DYNC1I2: variants seen among roughly 807,000 people sequenced by gnomAD.
DYNC1I2 encodes the protein cytoplasmic dynein 1 intermediate chain 2.
Under a neutral mutation model 88.6 loss-of-function variants are expected in DYNC1I2, and 53 were observed. The observed-to-expected ratio is 0.60, with a 90% CI of 0.48 to 0.75. The LOEUF (loss-of-function observed/expected upper bound fraction) is 0.75. Ranked by LOEUF, DYNC1I2 falls within the 30% of genes least tolerant of loss-of-function variation. DYNC1I2 has a pLI of 0.00. For missense variants in DYNC1I2, 458 were observed against 766.6 expected (o/e 0.60, Z 4.75); for synonymous variants, 198 against 254.6 (o/e 0.78, Z 2.12).
intron 3 of DYNC1I2, among the ~76,000 whole-genome samples, chr2:171,701,436 C>T (rs922240727): frequency 6.6e-6 from 1 of 152,172 alleles, no homozygotes; most frequent in Non-Finnish European, 1.5e-5. Context: ...TCCCAAAGTG[C>T]TGGGATTATA....
intron 3 of DYNC1I2, among the ~76,000 whole-genome samples, chr2:171,704,801 T>G (rs1163649167): frequency 6.6e-6 from 1 of 152,176 alleles, no homozygotes; most frequent in African/African-American, 2.4e-5. Flanking sequence ...AATTCTAGTA[T>G]TCTTTGATTT....
intron 7 of DYNC1I2, among the ~76,000 whole-genome samples, chr2:171,716,662 T>C (rs1687516840): frequency 6.6e-6 from 1 of 152,228 alleles, no homozygotes; most frequent in South Asian, 2.1e-4. Context: ...TACTAGCACT[T>C]TGGGAGACCA....
chr2:171,733,726 C>T, intron 15 of DYNC1I2, among the ~76,000 whole-genome samples: 1 of 150,482 alleles, frequency 6.6e-6, no homozygotes, highest in Non-Finnish European at 1.5e-5. Context: ...TGTAAGTTGT[C>T]TGTTTACTCA....
At chr2:171,726,467 A>G in intron 10 of DYNC1I2, 174 bp downstream of exon 10, 1 of 575,322 alleles carries the variant, frequency 1.7e-6, no homozygotes, top group Non-Finnish European at 2.9e-6. Context: ...AAGAAAGATT[A>G]GAAGCATTAT....
Position 171,748,630 on chromosome 2 carries a change from G to C in DYNC1I2, c.*741G>C, listed in dbSNP as rs1310102690. ...TCTGTTGGTGAAAAAATTTCCCCTAGGTTAACTTTTGCTTTACTACTTTAT... is the reference window on the plus strand; with the variant it reads ...TCTGTTGGTGAAAAAATTTCCCCTACGTTAACTTTTGCTTTACTACTTTAT... On this transcript the variant is annotated 3_prime_UTR_variant, in exon 18 of 18. Coordinates refer to ENST00000397119, the MANE Select transcript of DYNC1I2 (RefSeq NM_001378.3). Among the ~76,000 whole-genome samples the C allele has an allele frequency of 1.3e-5, 2 of 152,056 alleles. No homozygotes were observed. Among genetic ancestry groups the C allele is most frequent in the African/African-American group, 2.4e-5 (1 of 41,406 alleles).
chr2:171,718,105 C>T (rs567559579), intron 7 of DYNC1I2, among the ~76,000 whole-genome samples: 8 of 151,868 alleles, frequency 5.3e-5, no homozygotes, highest in East Asian at 3.9e-4. Flanking sequence ...TACAGGCGTG[C>T]GCCACCACTG....
At chr2:171,694,484 C>A (rs1383392109) in intron 3 of DYNC1I2, among the ~76,000 whole-genome samples, 1 of 151,770 alleles carries the variant, frequency 6.6e-6, no homozygotes, top group Non-Finnish European at 1.5e-5. Flanking sequence ...ACGGAGAAAC[C>A]CCGTCTCTAC....
rs369406544 is a variant in DYNC1I2 at position 171,743,997 on chromosome 2, T to C, written c.1537-52T>C. Reference sequence around the variant, plus strand: ...TTTTTCCCAGTGATAAGTAGTTTAATGATTTGTATGTCATATATGGACTGT... The same window carrying C: ...TTTTTCCCAGTGATAAGTAGTTTAACGATTTGTATGTCATATATGGACTGT... On this transcript the variant is annotated intron_variant, in intron 15 of 17. Transcript: ENST00000397119. The C allele has an allele frequency of 3.8e-5, 56 of 1,459,340 alleles. No homozygotes were observed. In the South Asian group the frequency reaches 8.2e-4, roughly 21 times the overall value. 90.4% of individuals were successfully genotyped at this position (1,459,340 alleles called of 1,614,324 possible).
At chr2:171,725,586 G>GTT in intron 7 of DYNC1I2, 32 bp from the exon 8 acceptor site, 2 of 1,244,322 alleles carry the variant, frequency 1.6e-6, no homozygotes, top group South Asian at 1.6e-5. Context: ...CTGTTTTTTT[G>GTT]TTTTTTTGTT....
chr2:171,737,235 TTC>T (rs1262717541), intron 15 of DYNC1I2, among the ~76,000 whole-genome samples: 2 of 152,206 alleles, frequency 1.3e-5, no homozygotes, highest in Non-Finnish European at 2.9e-5. Context: ...GTCCGAATTT[TTC>T]TCTTTTTTTA....
Position 171,748,588 on chromosome 2 carries a change from A to G in DYNC1I2, c.*699A>G, listed in dbSNP as rs1454828792. ...ACTATAGATCTCCCAGTGCATTATG[A>G]ATTGATGTCTAGATAATCTGTTGGT... On this transcript the variant is annotated 3_prime_UTR_variant, in exon 18 of 18. Transcript: ENST00000397119. Among the ~76,000 whole-genome samples, 2 of 152,210 alleles carry G rather than the reference A, an allele frequency of 1.3e-5. No homozygotes were observed. The highest frequency in any genetic ancestry group is 4.8e-5 in the African/African-American group (2 of 41,460).
At chr2:171,732,102 G>A (rs772730171) in intron 15 of DYNC1I2, among the ~76,000 whole-genome samples, 3 of 152,164 alleles carry the variant, frequency 2.0e-5, no homozygotes, top group Non-Finnish European at 2.9e-5. Flanking sequence ...GGTGGCTTAC[G>A]CCTGTAATCT....
chr2:171,747,173 AAC>A (rs1481536840), intron 17 of DYNC1I2, among the ~76,000 whole-genome samples: 2 of 146,836 alleles, frequency 1.4e-5, no homozygotes, highest in African/African-American at 5.0e-5. Flanking sequence ...CAGCCTGGGC[AAC>A]AGAGTGGGAC....
intron 7 of DYNC1I2, among the ~76,000 whole-genome samples, chr2:171,718,503 G>T (rs1356814429): frequency 6.6e-6 from 1 of 151,308 alleles, no homozygotes; most frequent in Non-Finnish European, 1.5e-5. Flanking sequence ...GCACGATCTT[G>T]GCTCACTGCA....
At chr2:171,736,716 AC>A (rs1689034204) in intron 15 of DYNC1I2, among the ~76,000 whole-genome samples, 1 of 152,190 alleles carries the variant, frequency 6.6e-6, no homozygotes, top group African/African-American at 2.4e-5. Flanking sequence ...TTTAATAGAC[AC>A]ATTTGGTCTC....
chr2:171,694,397 C>T (rs1184337878), intron 3 of DYNC1I2, among the ~76,000 whole-genome samples: 1 of 152,150 alleles, frequency 6.6e-6, no homozygotes, highest in Admixed American at 6.5e-5. Context: ...GTGGCTCACG[C>T]CTGTAATCCC....
At chr2:171,719,159 A>G (rs1687733597) in intron 7 of DYNC1I2, among the ~76,000 whole-genome samples, 1 of 152,138 alleles carries the variant, frequency 6.6e-6, no homozygotes, top group African/African-American at 2.4e-5. Context: ...GTTGAGGTAT[A>G]TAAGTGAAGG....
chr2:171,718,496 C>G lies in DYNC1I2; in HGVS notation c.511+3053C>G, dbSNP rs544782498. ...TGGCCCAGGCTGGAGTGCAGTGGCACGATCTTGGCTCACTGCAAGCTCCAT... is the reference window on the plus strand; with the variant it reads ...TGGCCCAGGCTGGAGTGCAGTGGCAGGATCTTGGCTCACTGCAAGCTCCAT... On this transcript the variant is annotated intron_variant, in intron 7 of 17. Transcript: ENST00000397119. 6.8e-3 allele frequency among the ~76,000 whole-genome samples: 1,036 copies of G among 151,778 alleles called. 7 individuals carry two copies. Among genetic ancestry groups the G allele is most frequent in the Non-Finnish European group, 0.011 (768 of 67,918 alleles).
intron 1 of DYNC1I2, 60 bp from the exon 2 acceptor site, chr2:171,690,087 G>A: frequency 9.1e-7 from 1 of 1,095,628 alleles, no homozygotes; most frequent in Non-Finnish European, 1.3e-6. Context: ...TTCTCTTCTT[G>A]GAACACTAGT....
Sources: allele counts gnomAD v4.1 joint callset (sites outside exome capture counted in the v4.1 genomes callset), GRCh38; gene constraint gnomAD v4.1.1; transcripts MANE v1.5; gene names NCBI Gene and HGNC (gene_info 2026-07-23, HGNC 2026-07-21).